ZCCHC14: variants seen among roughly 807,000 people sequenced by gnomAD.
ZCCHC14 encodes zinc finger CCHC-type containing 14.
A neutral mutation model predicts 85.0 loss-of-function variants in ZCCHC14; 16 were observed. That is an observed-to-expected ratio of 0.19 (90% CI 0.13 to 0.29). ZCCHC14 has a LOEUF of 0.29. Among genes scored for constraint, ZCCHC14 ranks in the 10% least tolerant of loss-of-function variants. The probability of loss-of-function intolerance (pLI) is 1.00; values close to 1 mark genes in which losing one functional copy is unlikely to be tolerated. For synonymous variants in ZCCHC14, 775 were observed against 630.7 expected (o/e 1.23, Z -3.43); for missense variants, 1,303 against 1,443.5 (o/e 0.90, Z 1.58).
At chr16:87,467,402 G>A (rs1161205813) in intron 1 of ZCCHC14, 18 of 1,601,448 alleles carry the variant, frequency 1.1e-5, no homozygotes, top group Non-Finnish European at 1.5e-5. Flanking sequence ...TTTACTGTCA[G>A]GCAAGCTCTC....
rs575790711 is a variant in ZCCHC14 at position 87,411,925 on chromosome 16, G to A, written c.2796C>T (p.Gly932=). 13 of 1,604,426 alleles carry A rather than the reference G, an allele frequency of 8.1e-6. No homozygotes were observed. Among genetic ancestry groups the A allele is most frequent in the African/African-American group, 1.3e-5 (1 of 74,954 alleles). The part of the protein sequence containing the change: ...CIVCTSCGCS[G]SCGSSGLTVS... ...CAGTCAGGCCACTCGAGCCGCAGCTGCCGCTGCAGCCACAGGACGTGCACA... is the reference window on the plus strand; with the variant it reads ...CAGTCAGGCCACTCGAGCCGCAGCTACCGCTGCAGCCACAGGACGTGCACA... Residue 932 remains glycine, a synonymous_variant, in exon 12 of 13, where the codon GGC becomes GGT. Coordinates refer to ENST00000671377, the MANE Select transcript of ZCCHC14 (RefSeq NM_015144.3).
At chr16:87,423,902 C>T in intron 3 of ZCCHC14, 21 bp from the exon 4 acceptor site, 1 of 1,612,826 alleles carries the variant, frequency 6.2e-7, no homozygotes, top group African/African-American at 1.3e-5. Context: ...AACAAACAAA[C>T]AAACCTTAGA....
At chr16:87,417,395 C>A (rs1437651049) in intron 8 of ZCCHC14, 65 bp downstream of exon 8, 10 of 1,570,886 alleles carry the variant, frequency 6.4e-6, no homozygotes, top group Non-Finnish European at 8.7e-6. Flanking sequence ...AAACTCAATG[C>A]CCCCAGGGAG....
chr16:87,456,360 C>A (rs1910961047), intron 2 of ZCCHC14, among the ~76,000 whole-genome samples: 1 of 151,712 alleles, frequency 6.6e-6, no homozygotes, highest in African/African-American at 2.4e-5. Flanking sequence ...GAAACCACGT[C>A]TCTACTAAAA....
At chr16:87,451,542 G>A (rs1910703207) in intron 2 of ZCCHC14, among the ~76,000 whole-genome samples, 1 of 152,158 alleles carries the variant, frequency 6.6e-6, no homozygotes, top group South Asian at 2.1e-4. Context: ...TTGAATTTAG[G>A]GGCCTTAGGA....
At chr16:87,432,840 C>A (rs1909729057) in intron 3 of ZCCHC14, among the ~76,000 whole-genome samples, 1 of 152,176 alleles carries the variant, frequency 6.6e-6, no homozygotes, top group Admixed American at 6.5e-5. Flanking sequence ...CCGCAGGCTG[C>A]CTCATCCAGT....
intron 1 of ZCCHC14, among the ~76,000 whole-genome samples, chr16:87,474,596 C>G (rs1567541203): frequency 6.6e-6 from 1 of 152,176 alleles, no homozygotes; most frequent in Non-Finnish European, 1.5e-5. Flanking sequence ...TGGAGGGAGC[C>G]TGTGCCCAGA....
chr16:87,415,938 G>GT (rs1908759796), intron 8 of ZCCHC14, among the ~76,000 whole-genome samples: 1 of 151,428 alleles, frequency 6.6e-6, no homozygotes. Flanking sequence ...TTGTTTTTTT[G>GT]TTTTTTGAGA....
rs564103568 is a variant in ZCCHC14 at position 87,456,031 on chromosome 16, G to A, written c.694+3977C>T. Among the ~76,000 whole-genome samples, 5 of 152,306 alleles carry A rather than the reference G, an allele frequency of 3.3e-5. No individual in the cohort carries two copies. The South Asian group carries it at 8.3e-4, about 25-fold the overall frequency. On this transcript the variant is annotated intron_variant, in intron 2 of 12. Transcript: ENST00000671377. Reference sequence around the variant, plus strand: ...CCACTGTAAGTTGAAAAGCATCTATGCGGTAAAATGGAACTGTCTAATCTA... The same window carrying A: ...CCACTGTAAGTTGAAAAGCATCTATACGGTAAAATGGAACTGTCTAATCTA...
At chr16:87,483,427 G>A (rs950199692) in intron 1 of ZCCHC14, among the ~76,000 whole-genome samples, 23 of 150,600 alleles carry the variant, frequency 1.5e-4, no homozygotes, top group African/African-American at 5.6e-4. Flanking sequence ...GGAGGCAAAG[G>A]TTGCAGTGAA....
At position 87,414,544 on chromosome 16, in the gene ZCCHC14, G is replaced by A. The variant is rs1293666901; in HGVS notation, c.1476-3C>T. 3 of 1,609,532 alleles carry A rather than the reference G, an allele frequency of 1.9e-6. No homozygotes were observed. The highest frequency in any genetic ancestry group is 2.2e-5 in the East Asian group (1 of 44,806). ...GGCACCGTCTCTCTGACTTCTCCCT[G>A]TGAAATAATCAAGCACAGGAACAAG... On this transcript the variant is annotated splice_polypyrimidine_tract_variant and splice_region_variant and intron_variant, in intron 9 of 12. Transcript: ENST00000671377.
At chr16:87,487,489 A>G (rs922287311) in intron 1 of ZCCHC14, among the ~76,000 whole-genome samples, 1 of 152,188 alleles carries the variant, frequency 6.6e-6, no homozygotes, top group Non-Finnish European at 1.5e-5. Context: ...GACAGCACAG[A>G]GTTCCCTGCC....
At chr16:87,481,462 A>G (rs1019401402) in intron 1 of ZCCHC14, among the ~76,000 whole-genome samples, 4 of 146,380 alleles carry the variant, frequency 2.7e-5, no homozygotes, top group African/African-American at 7.5e-5. Context: ...CTCAAATCTA[A>G]GCCTGCGTCC....
rs142490867 is a variant in ZCCHC14 at position 87,410,302 on chromosome 16, T to C, written c.3239A>G (p.Glu1080Gly). 3.9e-6 allele frequency: 3 copies of C among 776,820 alleles called. No homozygotes were observed. The highest frequency in any genetic ancestry group is 7.2e-6 in the Non-Finnish European group (3 of 416,776). The allele number at this position is 776,820 out of a possible 1,614,324, so 48.1% of individuals were successfully genotyped here. The change falls in exon 13 of 13, where the codon GAA becomes GGA. Residue 1080 changes from glutamate (E) to glycine (G), a missense_variant. Around this residue, in one of 7 missense-constraint regions of ZCCHC14, gnomAD observed 797 missense variants for 730.8 expected, o/e 1.09. Transcript: ENST00000671377. The part of the protein sequence containing the change: ...TFRLKYAPPA[E>G]SLDSTD ...ATATCAATCTGTGGAGTCCAGACTT[T>C]CTGCTGGAGGGGCGTATTTCAACCT...
At chr16:87,447,822 C>T (rs6540049) in intron 2 of ZCCHC14, among the ~76,000 whole-genome samples, 105,036 of 152,136 alleles carry the variant, frequency 0.69, 37,371 homozygotes, top group African/African-American at 0.83. Flanking sequence ...CCATCAGCTG[C>T]GGATGAAAGC....
chr16:87,450,321 T>G (rs1046954837), intron 2 of ZCCHC14, among the ~76,000 whole-genome samples: 1 of 152,260 alleles, frequency 6.6e-6, no homozygotes, highest in African/African-American at 2.4e-5. Context: ...AATGGGATAA[T>G]TTCTAGAAGC....
At position 87,491,867 on chromosome 16, in the gene ZCCHC14, G is replaced by A. The variant is rs1160637298; in HGVS notation, c.372C>T (p.Asn124=). ...GGAACTCATCGCCCGTGCGGCCCTC[G>A]TTAAGCTGCAGCCCGTAGTTGTGGA... The part of the protein sequence containing the change: ...SIIHNYGLQL[N]EGRTGDEFLL... The change falls in exon 1 of 13, where the codon AAC becomes AAT. Residue 124 remains asparagine (N), a synonymous_variant. Coordinates refer to ENST00000671377, the MANE Select transcript of ZCCHC14 (RefSeq NM_015144.3). The surrounding 1 kb of genome is among the most constrained non-coding windows in gnomAD (Gnocchi z 5.9). 3 of 1,556,444 alleles carry A rather than the reference G, an allele frequency of 1.9e-6. No homozygotes were observed. Among genetic ancestry groups the A allele is most frequent in the South Asian group, 1.2e-5 (1 of 84,030 alleles).
chr16:87,467,170 T>C lies in ZCCHC14; in HGVS notation c.571-7039A>G, dbSNP rs1226074330. ...CTGTTGATAGATGAAAACTGTCTGC[T>C]TTCTCCTCTGGCGGGAGAAGACTAT... On this transcript the variant is annotated intron_variant, in intron 1 of 12. Transcript: ENST00000671377. The C allele has an allele frequency of 1.2e-5, 16 of 1,325,196 alleles. No homozygotes were observed. In the East Asian group the frequency reaches 1.4e-4, roughly 11 times the overall value. The allele number at this position is 1,325,196 out of a possible 1,614,324, so 82.1% of individuals were successfully genotyped here. A position where few individuals can be genotyped will look rare whatever the true frequency, so the allele number is the denominator to read the frequency against.
intron 1 of ZCCHC14, among the ~76,000 whole-genome samples, chr16:87,469,889 C>A (rs1282928358): frequency 1.3e-5 from 2 of 152,142 alleles, no homozygotes; most frequent in African/African-American, 4.8e-5. Flanking sequence ...GCACTGGGGG[C>A]CAGGGCCTAT....
Sources: gnomAD v4.1 joint callset for allele counts (sites outside exome capture counted in the v4.1 genomes callset) on GRCh38, gnomAD v4.1.1 for gene constraint, gnomAD v4.1.1 regional missense constraint, Gnocchi (gnomAD v3.1) non-coding constraint, MANE v1.5 for transcripts, NCBI Gene and HGNC (gene_info 2026-07-23, HGNC 2026-07-21) for gene names.